CNTNAP2: variants seen among roughly 807,000 people sequenced by gnomAD.
CNTNAP2 encodes the protein contactin associated protein 2, also known as contactin-associated protein-like 2.
Under a neutral mutation model 155.2 loss-of-function variants are expected in CNTNAP2, and 98 were observed. The ratio of observed to expected loss-of-function variants is 0.63; its 90% CI spans 0.54 to 0.75. CNTNAP2 has a LOEUF of 0.75. Among genes scored for constraint, CNTNAP2 ranks in the 30% least tolerant of loss-of-function variants. The pLI is 0.00. For synonymous variants in CNTNAP2, 651 were observed against 631.2 expected, an observed-to-expected ratio of 1.03 and a Z score of -0.47; for missense variants, 1,727 against 1,688.1, an observed-to-expected ratio of 1.02 and a Z score of -0.40.
chr7:146,563,864 A>C (rs1284723590), intron 1 of CNTNAP2, among the ~76,000 whole-genome samples: 1 of 152,108 alleles, frequency 6.6e-6, no homozygotes, highest in African/African-American at 2.4e-5. Flanking sequence ...TCAACCAATA[A>C]ATGGAACATT....
chr7:147,203,990 G>C (rs531777107), intron 8 of CNTNAP2, among the ~76,000 whole-genome samples: 1 of 152,006 alleles, frequency 6.6e-6, no homozygotes, highest in African/African-American at 2.4e-5. Context: ...AGATAGCTTA[G>C]AAAATTAAAA....
chr7:147,349,094 A>G (rs1228431065), intron 9 of CNTNAP2, among the ~76,000 whole-genome samples: 1 of 145,956 alleles, frequency 6.9e-6, no homozygotes. Context: ...AACAATATTT[A>G]ACAATAATAC....
intron 10 of CNTNAP2, among the ~76,000 whole-genome samples, chr7:147,469,129 G>A (rs1291318582): frequency 1.3e-5 from 2 of 151,942 alleles, no homozygotes; most frequent in South Asian, 2.1e-4. Flanking sequence ...GCCAAAAACT[G>A]CCCTATTTTC....
chr7:146,966,355 C>T (rs1356588420), intron 3 of CNTNAP2, among the ~76,000 whole-genome samples: 1 of 152,202 alleles, frequency 6.6e-6, no homozygotes, highest in African/African-American at 2.4e-5. Context: ...TAGACACACA[C>T]TCTTACATGA....
In CNTNAP2 at chr7:146,862,801, C is replaced by T. The variant is rs1355344903; in HGVS notation, c.402+22897C>T. On this transcript the variant is annotated intron_variant, in intron 3 of 23. Transcript: ENST00000361727. The stretch of plus-strand genomic sequence containing the variant: ...TGTGTGCAGCCAGACACATAAACAT[C>T]GCCCTGTCTGTATGGTTCTTTATGG... Among the ~76,000 whole-genome samples the T allele has an allele frequency of 5.9e-5, 9 of 152,176 alleles. No homozygotes were observed. In the East Asian group the frequency reaches 1.2e-3, roughly 20 times the overall value.
intron 1 of CNTNAP2, among the ~76,000 whole-genome samples, chr7:146,461,404 CA>C (rs67774821): frequency 0.32 from 43,190 of 134,910 alleles, 6,501 homozygotes; most frequent in Admixed American, 0.43. Context: ...GACTCCGTCT[CA>C]AAAAAAAAAA....
At chr7:146,981,076 T>C (rs987211742) in intron 3 of CNTNAP2, among the ~76,000 whole-genome samples, 2 of 152,114 alleles carry the variant, frequency 1.3e-5, no homozygotes, top group Non-Finnish European at 2.9e-5. Flanking sequence ...TTCTTGGATA[T>C]AGATTTATAT....
intron 13 of CNTNAP2, among the ~76,000 whole-genome samples, chr7:147,706,181 G>GTTTT (rs767715009): frequency 6.0e-5 from 8 of 133,530 alleles, no homozygotes; most frequent in Admixed American, 5.5e-4. Context: ...AACATTTGAG[G>GTTTT]TTTTTTTTTT....
Position 147,515,606 on chromosome 7 carries a change from C to T in CNTNAP2, c.1777+29565C>T, listed in dbSNP as rs184810825. On this transcript the variant is annotated intron_variant, in intron 11 of 23. Transcript: ENST00000361727. ...AAAGTGCTGGGATTACAGGCGTGAA[C>T]CACTGTATGCAGCCCATTATATTCT... 2.8e-3 allele frequency among the ~76,000 whole-genome samples: 427 copies of T among 152,186 alleles called. 1 individual carries two copies. The highest frequency in any genetic ancestry group is 9.4e-3 in the African/African-American group (389 of 41,522).
intron 4 of CNTNAP2, among the ~76,000 whole-genome samples, chr7:147,072,602 G>T (rs1032009008): frequency 1.3e-5 from 2 of 152,066 alleles, no homozygotes; most frequent in Non-Finnish European, 2.9e-5. Context: ...GAGGATTGAA[G>T]AGCTATTAGA....
At chr7:146,290,407 T>C (rs971132112) in intron 1 of CNTNAP2, among the ~76,000 whole-genome samples, 4 of 152,158 alleles carry the variant, frequency 2.6e-5, no homozygotes, top group Non-Finnish European at 4.4e-5. Flanking sequence ...CAGAAACAGT[T>C]CTTCAAGGCG....
chr7:147,580,943 C>A (rs1196391129), intron 12 of CNTNAP2, among the ~76,000 whole-genome samples: 2 of 152,196 alleles, frequency 1.3e-5, no homozygotes, highest in African/African-American at 4.8e-5. Flanking sequence ...ATAGCTTAAT[C>A]ATTCATCACT....
intron 11 of CNTNAP2, among the ~76,000 whole-genome samples, chr7:147,490,287 A>T (rs1262900742): frequency 6.6e-6 from 1 of 152,212 alleles, no homozygotes; most frequent in Non-Finnish European, 1.5e-5. Flanking sequence ...AGGTCCTGAC[A>T]TTGCCAAATA....
At chr7:148,267,976 A>T (rs1796704357) in intron 21 of CNTNAP2, among the ~76,000 whole-genome samples, 1 of 152,150 alleles carries the variant, frequency 6.6e-6, no homozygotes, top group Non-Finnish European at 1.5e-5. Flanking sequence ...GTGTGACAGA[A>T]CACCCTTCCC....
intron 15 of CNTNAP2, among the ~76,000 whole-genome samples, chr7:147,990,562 T>G (rs537859541): frequency 6.6e-6 from 1 of 152,026 alleles, no homozygotes; most frequent in Non-Finnish European, 1.5e-5. Context: ...GGCTGGCATG[T>G]CTCTGGCTGG....
intron 8 of CNTNAP2, among the ~76,000 whole-genome samples, chr7:147,279,440 GT>G (rs1455233827): frequency 6.6e-6 from 1 of 151,650 alleles, no homozygotes; most frequent in East Asian, 1.9e-4. Flanking sequence ...TAGTTTTATT[GT>G]CAGTACTCTT....
At chr7:146,289,472 AT>A (rs1800394036) in intron 1 of CNTNAP2, among the ~76,000 whole-genome samples, 1 of 152,168 alleles carries the variant, frequency 6.6e-6, no homozygotes, top group African/African-American at 2.4e-5. Flanking sequence ...TTCTGTTATG[AT>A]TAATTACTTT....
intron 1 of CNTNAP2, among the ~76,000 whole-genome samples, chr7:146,347,911 T>A (rs1794842472): frequency 6.6e-6 from 1 of 152,072 alleles, no homozygotes; most frequent in African/African-American, 2.4e-5. Context: ...CCACAGGAAA[T>A]TCTTTAAATG....
chr7:148,067,802 CT>C (rs1803296639), intron 15 of CNTNAP2, among the ~76,000 whole-genome samples: 1 of 152,158 alleles, frequency 6.6e-6, no homozygotes, highest in South Asian at 2.1e-4. Context: ...TGAGCTCAGC[CT>C]CCCCTTGGGC....
Sources: gnomAD v4.1 joint callset for allele counts (sites outside exome capture counted in the v4.1 genomes callset) on GRCh38, gnomAD v4.1.1 for gene constraint, MANE v1.5 for transcripts, NCBI Gene and HGNC (gene_info 2026-07-23, HGNC 2026-07-21) for gene names.